Variants in PID1 observed in about 807,000 individuals in gnomAD.
PID1 encodes the protein PTB-containing, cubilin and LRP1-interacting protein.
In PID1, 10 loss-of-function variants were observed where a neutral mutation model predicts 19.1. The observed-to-expected ratio is 0.52, with a 90% CI of 0.32 to 0.89. The LOEUF is 0.89. PID1 is among the 40% of genes least tolerant of loss of function. The probability of loss-of-function intolerance (pLI) is 0.03; values close to 1 mark genes in which losing one functional copy is unlikely to be tolerated. For synonymous variants in PID1, 130 were observed against 116.0 expected (o/e 1.12, Z -0.78); for missense variants, 248 against 285.3 (o/e 0.87, Z 0.94).
At chr2:229,227,340 T>C (rs62191693) in intron 1 of PID1, among the ~76,000 whole-genome samples, 41,752 of 151,992 alleles carry the variant, frequency 0.27, 6,539 homozygotes, top group East Asian at 0.65. Context: ...GGCCACTATA[T>C]TGAACAGTGC....
chr2:229,165,752 A>G (rs1304866032), intron 1 of PID1, among the ~76,000 whole-genome samples: 2 of 152,224 alleles, frequency 1.3e-5, no homozygotes, highest in African/African-American at 2.4e-5. Context: ...GGTTTTAACC[A>G]GTGCAATAAG....
intron 1 of PID1, among the ~76,000 whole-genome samples, chr2:229,195,905 A>C (rs1691368324): frequency 6.6e-6 from 1 of 152,100 alleles, no homozygotes; most frequent in African/African-American, 2.4e-5. Flanking sequence ...AATGCTCAGA[A>C]TATATAGAAC....
chr2:229,109,335 T>C (rs946806320), intron 2 of PID1, among the ~76,000 whole-genome samples: 10 of 152,086 alleles, frequency 6.6e-5, no homozygotes. Context: ...TCTGTGTTCA[T>C]GGCAAGGAGT....
At chr2:229,070,034 C>T (rs1694420866) in intron 2 of PID1, among the ~76,000 whole-genome samples, 2 of 152,158 alleles carry the variant, frequency 1.3e-5, no homozygotes, top group Admixed American at 6.5e-5. Context: ...AGGAGTCAGA[C>T]CAGTGCTTGC....
Position 229,190,719 on chromosome 2 carries a change from C to T in PID1, c.31-34755G>A, listed in dbSNP as rs368042703. ...ATCATTACTAATTTCCTAGGTATAT[C>T]GGCTCTTCTTGGGTTTTTTCTTTTT... On this transcript the variant is annotated intron_variant, in intron 1 of 2. Coordinates refer to ENST00000392055, the MANE Select transcript of PID1 (RefSeq NM_001100818.2). Among the ~76,000 whole-genome samples the T allele has an allele frequency of 2.2e-4, 33 of 152,266 alleles. No individual in the cohort carries two copies. In the South Asian group the frequency reaches 5.6e-3, roughly 26 times the overall value.
intron 1 of PID1, among the ~76,000 whole-genome samples, chr2:229,244,099 C>A (rs927803778): frequency 2.6e-5 from 4 of 152,082 alleles, no homozygotes; most frequent in African/African-American, 9.7e-5. Context: ...CAAAAACTAG[C>A]ATTATGTAAA....
chr2:229,194,114 GA>G (rs1436365444), intron 1 of PID1, among the ~76,000 whole-genome samples: 1 of 152,146 alleles, frequency 6.6e-6, no homozygotes, highest in African/African-American at 2.4e-5. Flanking sequence ...TCTGGGTTTA[GA>G]ATTGACCCAT....
chr2:229,180,206 G>C (rs553067695), intron 1 of PID1, among the ~76,000 whole-genome samples: 1 of 152,050 alleles, frequency 6.6e-6, no homozygotes, highest in Non-Finnish European at 1.5e-5. Context: ...GTACACCTTA[G>C]GCAATGCACA....
intron 1 of PID1, among the ~76,000 whole-genome samples, chr2:229,254,993 G>C (rs920560581): frequency 2.6e-5 from 4 of 152,218 alleles, no homozygotes; most frequent in South Asian, 2.1e-4. Flanking sequence ...TTCGAGGAGA[G>C]AGAGTATGCA....
At chr2:229,245,543 C>T (rs903785849) in intron 1 of PID1, among the ~76,000 whole-genome samples, 1 of 152,158 alleles carries the variant, frequency 6.6e-6, no homozygotes, top group Non-Finnish European at 1.5e-5. Context: ...TTAACACTTA[C>T]TATTACTTAG....
intron 1 of PID1, among the ~76,000 whole-genome samples, chr2:229,210,668 G>A (rs1229009287): frequency 3.3e-5 from 5 of 150,322 alleles, no homozygotes; most frequent in African/African-American, 4.9e-5. Context: ...AATTCTTTAC[G>A]TGCAGATATT....
chr2:229,128,057 C>A (rs1027556717), intron 2 of PID1, among the ~76,000 whole-genome samples: 3 of 152,154 alleles, frequency 2.0e-5, no homozygotes, highest in Non-Finnish European at 4.4e-5. Flanking sequence ...GTGTGTGTCT[C>A]CCATTCCCCC....
intron 1 of PID1, among the ~76,000 whole-genome samples, chr2:229,169,419 G>A (rs183836930): frequency 1.3e-5 from 2 of 152,284 alleles, no homozygotes; most frequent in South Asian, 2.1e-4. Flanking sequence ...AACAGGCTCA[G>A]AAGGTATGGA....
chr2:229,075,711 T>C (rs1694544248), intron 2 of PID1, among the ~76,000 whole-genome samples: 1 of 152,196 alleles, frequency 6.6e-6, no homozygotes, highest in Non-Finnish European at 1.5e-5. Context: ...GATGTTTTCC[T>C]CCATTCGTTG....
At chr2:229,056,865 T>G (rs954977664) in intron 2 of PID1, among the ~76,000 whole-genome samples, 1 of 152,110 alleles carries the variant, frequency 6.6e-6, no homozygotes, top group African/African-American at 2.4e-5. Flanking sequence ...TTTCATGCCC[T>G]GAGGTGAAGA....
rs190194712 is a variant in PID1, at chr2:229,155,225, G to A, written c.177+593C>T. On this transcript the variant is annotated intron_variant, in intron 2 of 2. Coordinates refer to ENST00000392055, the MANE Select transcript of PID1 (RefSeq NM_001100818.2). ...CTTGTGAACTCCAAAGTTCCACAGA[G>A]CTACAGAAATCACAGAGAGAATACA... Among the ~76,000 whole-genome samples, 14 of 152,264 alleles carry A rather than the reference G, an allele frequency of 9.2e-5. No individual in the cohort carries two copies. In the East Asian group the frequency reaches 2.7e-3, roughly 29 times the overall value.
intron 2 of PID1, among the ~76,000 whole-genome samples, chr2:229,113,775 T>G (rs1478820542): frequency 1.3e-5 from 2 of 152,054 alleles, no homozygotes; most frequent in Non-Finnish European, 2.9e-5. Context: ...CTCAATCAGC[T>G]GAACAAGAAC....
chr2:229,260,959 T>C (rs1368705433), intron 1 of PID1, among the ~76,000 whole-genome samples: 2 of 151,930 alleles, frequency 1.3e-5, no homozygotes, highest in Non-Finnish European at 2.9e-5. Flanking sequence ...TCCTAACCCG[T>C]AGTACCTCGA....
At chr2:229,188,627 T>G (rs1691184989) in intron 1 of PID1, among the ~76,000 whole-genome samples, 1 of 151,578 alleles carries the variant, frequency 6.6e-6, no homozygotes. Flanking sequence ...TAATCCCAGC[T>G]ACTTGGGAGG....
Sources: allele counts gnomAD v4.1 joint callset (sites outside exome capture counted in the v4.1 genomes callset), GRCh38; gene constraint gnomAD v4.1.1; transcripts MANE v1.5; gene names NCBI Gene and HGNC (gene_info 2026-07-23, HGNC 2026-07-21).